GATAD2A: variants seen among roughly 807,000 people sequenced by gnomAD.
The protein encoded by GATAD2A is GATA zinc finger domain containing 2A, also known as transcriptional repressor p66-alpha.
In GATAD2A, 12 loss-of-function variants were observed where a neutral mutation model predicts 68.5. The observed-to-expected ratio is 0.18, with a 90% CI of 0.11 to 0.28. The LOEUF (loss-of-function observed/expected upper bound fraction) is 0.28. GATAD2A is among the 10% of genes least tolerant of loss of function. GATAD2A has a pLI of 1.00. For synonymous variants in GATAD2A, 410 were observed against 375.3 expected (o/e 1.09, Z -1.07); for missense variants, 755 against 868.5 (o/e 0.87, Z 1.64).
intron 2 of GATAD2A, among the ~76,000 whole-genome samples, chr19:19,473,005 C>T (rs749178496): frequency 1.3e-5 from 2 of 152,188 alleles, no homozygotes; most frequent in African/African-American, 2.4e-5. Flanking sequence ...TTGCCATTGC[C>T]GATGTGGCTC....
intron 7 of GATAD2A, among the ~76,000 whole-genome samples, chr19:19,497,774 T>G (rs1003713840): frequency 7.2e-5 from 11 of 152,154 alleles, no homozygotes; most frequent in Non-Finnish European, 1.3e-4. Flanking sequence ...AACATTGGCA[T>G]GTGGGCAGTT....
chr19:19,429,122 T>G, intron 1 of GATAD2A: 5 of 862,362 alleles, frequency 5.8e-6, no homozygotes, highest in Non-Finnish European at 7.0e-6. Flanking sequence ...CGTGCCCACG[T>G]GGGTGTTAGA....
intron 2 of GATAD2A, among the ~76,000 whole-genome samples, chr19:19,485,842 G>A (rs894550176): frequency 6.6e-6 from 1 of 152,178 alleles, no homozygotes; most frequent in African/African-American, 2.4e-5. Flanking sequence ...CCACAAAAGC[G>A]CTTGGACTCA....
chr19:19,429,129 T>A, intron 1 of GATAD2A: 2 of 921,308 alleles, frequency 2.2e-6, no homozygotes, highest in Non-Finnish European at 2.6e-6. Flanking sequence ...ACGTGGGTGT[T>A]AGATGAGGTG....
chr19:19,492,298 C>T lies in GATAD2A; in HGVS notation c.270-8C>T. On this transcript the variant is annotated splice_region_variant and splice_polypyrimidine_tract_variant and intron_variant, in intron 2 of 11. Transcript: ENST00000683918. The stretch of plus-strand genomic sequence containing the variant: ...GGCGCTCTGGTCACTACTGTCTCCA[C>T]CCCACAGTGACATGAAGTCCGAGAG... 8 of 1,598,162 alleles carry T rather than the reference C, an allele frequency of 5.0e-6. No individual in the cohort carries two copies. Among genetic ancestry groups the T allele is most frequent in the Non-Finnish European group, 6.8e-6 (8 of 1,172,474 alleles).
chr19:19,421,784 G>A (rs925921034), intron 1 of GATAD2A, among the ~76,000 whole-genome samples: 7 of 152,016 alleles, frequency 4.6e-5, no homozygotes, highest in Non-Finnish European at 1.0e-4. Flanking sequence ...AGGCTGTGTA[G>A]TCTGACAGAT....
intron 5 of GATAD2A, 93 bp downstream of exon 5, chr19:19,494,476 G>T (rs1254981445): frequency 2.7e-6 from 2 of 753,382 alleles, no homozygotes; most frequent in East Asian, 5.4e-5. Context: ...CCTGGCCCAG[G>T]TTCTGCAAGA....
chr19:19,484,062 CG>C (rs1289325933), intron 2 of GATAD2A, among the ~76,000 whole-genome samples: 1 of 152,072 alleles, frequency 6.6e-6, no homozygotes, highest in Non-Finnish European at 1.5e-5. Flanking sequence ...GCAGCCCCCA[CG>C]TCCAGGTTGC....
chr19:19,408,370 A>G (rs2050531276), intron 1 of GATAD2A, among the ~76,000 whole-genome samples: 1 of 152,204 alleles, frequency 6.6e-6, no homozygotes, highest in African/African-American at 2.4e-5. Flanking sequence ...GGCAAATCCT[A>G]TAATCTTATA....
exon 1 of GATAD2A, chr19:19,385,972 GCAGT>G: frequency 6.7e-6 from 1 of 149,318 alleles, no homozygotes; most frequent in South Asian, 1.9e-4. Flanking sequence ...CGCCGCCCGC[GCAGT>G]CGGTCGGTCG....
chr19:19,407,332 A>G (rs566844888), intron 1 of GATAD2A, among the ~76,000 whole-genome samples: 11 of 152,376 alleles, frequency 7.2e-5, no homozygotes, highest in African/African-American at 2.6e-4. Context: ...TGGAGGGCTG[A>G]TAGCTCATAC....
intron 1 of GATAD2A, among the ~76,000 whole-genome samples, chr19:19,454,737 C>CCA (rs1555707171): frequency 1.4e-4 from 18 of 131,298 alleles, no homozygotes; most frequent in African/African-American, 4.0e-4. Context: ...TGCCCCCCCC[C>CCA]ACCCCCTTAG....
Position 19,498,733 on chromosome 19 carries a change from T to C in GATAD2A, c.1204+11T>C. The C allele has an allele frequency of 6.3e-7, 1 of 1,596,292 alleles. No individual in the cohort carries two copies. Among genetic ancestry groups the C allele is most frequent in the Non-Finnish European group, 8.6e-7 (1 of 1,167,822 alleles). On this transcript the variant is annotated intron_variant, in intron 8 of 11. Transcript: ENST00000683918. ...TACTGGAGACACAAGGTGAGTGGCCTGGACCCAGCCGGGCTGCTTCCGCCT... is the reference window on the plus strand; with the variant it reads ...TACTGGAGACACAAGGTGAGTGGCCCGGACCCAGCCGGGCTGCTTCCGCCT...
upstream of GATAD2A, among the ~76,000 whole-genome samples, chr19:19,402,763 T>TCG (rs1568697722): frequency 6.8e-6 from 1 of 147,254 alleles, no homozygotes; most frequent in African/African-American, 2.5e-5. Flanking sequence ...TTTTTTTTGT[T>TCG]TTTGTTTTTT....
At chr19:19,496,250 A>G (rs906267179) in intron 7 of GATAD2A, 31 bp downstream of exon 7, 2 of 1,599,622 alleles carry the variant, frequency 1.3e-6, no homozygotes, top group African/African-American at 2.7e-5. Flanking sequence ...TGCCAGGGAG[A>G]GTGTGTGTCC....
At chr19:19,401,139 CAAAA>C (rs750599017), upstream of GATAD2A, among the ~76,000 whole-genome samples, 9 of 42,532 alleles carry the variant, frequency 2.1e-4, no homozygotes, top group South Asian at 9.4e-4. Flanking sequence ...GACTCTGTCT[CAAAA>C]AAAAAAAAAA....
chr19:19,407,150 G>C (rs2050373259), intron 1 of GATAD2A, among the ~76,000 whole-genome samples: 1 of 152,248 alleles, frequency 6.6e-6, no homozygotes, highest in Non-Finnish European at 1.5e-5. Flanking sequence ...CAGAAACTGA[G>C]AGCCCTCTGT....
chr19:19,502,035 G>T lies in GATAD2A; in HGVS notation c.1570G>T (p.Val524Leu), dbSNP rs747722397. ...GEARDWSNGAVLQASSQLSRG... is the reference protein window; with the variant it reads ...GEARDWSNGALLQASSQLSRG... Reference sequence around the variant, plus strand: ...GGCCCGCGACTGGAGTAACGGGGCTGTGCTACAGGTCAGAACCGCACTGGG... The same window carrying T: ...GGCCCGCGACTGGAGTAACGGGGCTTTGCTACAGGTCAGAACCGCACTGGG... Residue 524 changes from valine to leucine, a missense_variant, in exon 10 of 12, where the codon GTG becomes TTG. Transcript: ENST00000683918. The T allele has an allele frequency of 6.2e-7, 1 of 1,613,132 alleles. No homozygotes were observed. The highest frequency in any genetic ancestry group is 8.5e-7 in the Non-Finnish European group (1 of 1,179,372).
chr19:19,497,196 GGA>G (rs2060210756), intron 7 of GATAD2A, among the ~76,000 whole-genome samples: 2 of 152,316 alleles, frequency 1.3e-5, no homozygotes, highest in African/African-American at 2.4e-5. Context: ...CCATCTCCCA[GGA>G]GATACTCCTG....
Sources: allele counts gnomAD v4.1 joint callset (sites outside exome capture counted in the v4.1 genomes callset), GRCh38; gene constraint gnomAD v4.1.1; transcripts MANE v1.5; gene names NCBI Gene and HGNC (gene_info 2026-07-23, HGNC 2026-07-21).